Variants in RNFT2 observed in about 807,000 individuals in gnomAD.
RNFT2 encodes ring finger protein, transmembrane 2, also known as E3 ubiquitin-protein ligase RNFT2.
In RNFT2, 36 loss-of-function variants were observed where a neutral mutation model predicts 53.0. That is an observed-to-expected ratio of 0.68 (90% CI 0.52 to 0.90). The LOEUF (loss-of-function observed/expected upper bound fraction) is 0.90, where lower values mean the gene tolerates loss of function less well. Among genes scored for constraint, RNFT2 ranks in the 40% least tolerant of loss-of-function variants. The pLI is 0.00. For synonymous variants in RNFT2, 260 were observed against 253.2 expected (o/e 1.03, Z -0.26); for missense variants, 514 against 585.6 (o/e 0.88, Z 1.26).
chr12:116,849,586 C>T lies in RNFT2; in HGVS notation c.*138C>T. On this transcript the variant is annotated 3_prime_UTR_variant, in exon 11 of 11. Transcript: ENST00000257575. ...CTCCACCACCTCTGACCCCAAAGTCCCGCCCCTGTCTTGTCCTTCTGACCT... is the reference window on the plus strand; with the variant it reads ...CTCCACCACCTCTGACCCCAAAGTCTCGCCCCTGTCTTGTCCTTCTGACCT... 1 of 1,423,218 alleles carries T rather than the reference C, an allele frequency of 7.0e-7. No individual in the cohort carries two copies. Among genetic ancestry groups the T allele is most frequent in the Non-Finnish European group, 9.2e-7 (1 of 1,086,244 alleles). The allele number at this position is 1,423,218 out of a possible 1,614,324, so 88.2% of individuals were successfully genotyped here.
At chr12:116,777,460 G>A (rs1187352500) in intron 6 of RNFT2, among the ~76,000 whole-genome samples, 1 of 152,168 alleles carries the variant, frequency 6.6e-6, no homozygotes, top group African/African-American at 2.4e-5. Flanking sequence ...GTTAAGTACA[G>A]AAACTGAACA....
chr12:116,842,321 G>T (rs1412086417), intron 10 of RNFT2, among the ~76,000 whole-genome samples: 4 of 152,012 alleles, frequency 2.6e-5, no homozygotes, highest in Non-Finnish European at 5.9e-5. Context: ...TAAGGGAAGG[G>T]GATGCATGAG....
At position 116,852,231 on chromosome 12, in the gene RNFT2, G is replaced by A. The variant is rs906090997; in HGVS notation, c.*2783G>A. 3.1e-6 allele frequency: 4 copies of A among 1,276,044 alleles called. No individual in the cohort carries two copies. Among genetic ancestry groups the A allele is most frequent in the Middle Eastern group, 3.0e-4 (1 of 3,386 alleles). The allele number at this position is 1,276,044 out of a possible 1,614,324, so 79.0% of individuals were successfully genotyped here. A position where few individuals can be genotyped will look rare whatever the true frequency, so the allele number is the denominator to read the frequency against. ...CATTACAGAGAAAGCAATCTGTGTG[G>A]CTAGTGGGCAGATTACCATGCAAGC... On this transcript the variant is annotated 3_prime_UTR_variant, in exon 11 of 11. Transcript: ENST00000257575.
At chr12:116,815,306 G>A (rs11612320) in intron 7 of RNFT2, among the ~76,000 whole-genome samples, 8,036 of 152,250 alleles carry the variant, frequency 0.053, 307 homozygotes, top group Non-Finnish European at 0.08. Flanking sequence ...TGTGAGTACT[G>A]TAACAAATAA....
intron 3 of RNFT2, among the ~76,000 whole-genome samples, chr12:116,748,236 G>C (rs1872005607): frequency 6.6e-6 from 1 of 152,054 alleles, no homozygotes; most frequent in Non-Finnish European, 1.5e-5. Context: ...AGAATAGAAA[G>C]ATGGTACCCA....
intron 7 of RNFT2, among the ~76,000 whole-genome samples, chr12:116,815,927 G>T (rs953599189): frequency 6.6e-6 from 1 of 152,138 alleles, no homozygotes; most frequent in Non-Finnish European, 1.5e-5. Flanking sequence ...CAGACCACCA[G>T]GAAAGGAGAT....
chr12:116,849,260 C>A, intron 10 of RNFT2, 54 bp from the exon 11 acceptor site: 1 of 1,431,490 alleles, frequency 7.0e-7, no homozygotes, highest in South Asian at 1.3e-5. Flanking sequence ...CTCCCGAGAC[C>A]GAGGCAGACG....
chr12:116,740,784 A>C, intron 2 of RNFT2: 1 of 620,564 alleles, frequency 1.6e-6, no homozygotes, highest in Non-Finnish European at 2.9e-6. Flanking sequence ...ATCCTCTCAC[A>C]TGAGGACTTT....
intron 7 of RNFT2, among the ~76,000 whole-genome samples, chr12:116,792,114 A>G (rs949030748): frequency 3.3e-5 from 5 of 152,122 alleles, no homozygotes; most frequent in African/African-American, 1.2e-4. Context: ...CAGTGGCACA[A>G]TTTTGGCTCA....
chr12:116,794,659 GAA>G lies in RNFT2; in HGVS notation c.882+15312_882+15313del, dbSNP rs1491472580. On this transcript the variant is annotated intron_variant, in intron 7 of 10. Transcript: ENST00000257575. Reference sequence around the variant, plus strand: ...GGAGGGGAGGGGAGAAGGAAGGAAGGAAGGGAGGAAGGAAGGGAGGGAGGGAG... The same window carrying G: ...GGAGGGGAGGGGAGAAGGAAGGAAGGGGGAGGAAGGAAGGGAGGGAGGGAG... 1.3e-4 allele frequency among the ~76,000 whole-genome samples: 8 copies of G among 59,906 alleles called. 1 individual carries two copies. Among genetic ancestry groups the G allele is most frequent in the African/African-American group, 4.2e-4 (8 of 18,830 alleles). The allele number at this position is 59,906 out of a possible 152,430, so 39.3% of individuals were successfully genotyped here.
At chr12:116,810,577 C>T (rs191108433) in intron 7 of RNFT2, among the ~76,000 whole-genome samples, 8 of 152,236 alleles carry the variant, frequency 5.3e-5, no homozygotes, top group Middle Eastern at 3.4e-3. Flanking sequence ...TTCTTGGCTC[C>T]GAGACCCACC....
At chr12:116,834,081 A>C (rs1302486288) in intron 8 of RNFT2, 140 bp downstream of exon 8, 1 of 612,556 alleles carries the variant, frequency 1.6e-6, no homozygotes, top group African/African-American at 1.9e-5. Context: ...AATTCATACG[A>C]CATGAAATTA....
At chr12:116,769,730 C>T (rs1362747182) in intron 6 of RNFT2, among the ~76,000 whole-genome samples, 1 of 152,004 alleles carries the variant, frequency 6.6e-6, no homozygotes, top group African/African-American at 2.4e-5. Context: ...AAGAAATAAA[C>T]ATTTTAAAAT....
chr12:116,783,827 G>A (rs1873814816), intron 7 of RNFT2, among the ~76,000 whole-genome samples: 1 of 152,216 alleles, frequency 6.6e-6, no homozygotes, highest in African/African-American at 2.4e-5. Context: ...GTCAACAACG[G>A]ATCATTTTTC....
rs1444056879 is a variant in RNFT2 at position 116,852,468 on chromosome 12, A to T, written c.*3020A>T. The T allele has an allele frequency of 6.9e-7, 1 of 1,448,806 alleles. No individual in the cohort carries two copies. Among genetic ancestry groups the T allele is most frequent in the South Asian group, 1.4e-5 (1 of 69,132 alleles). The allele number at this position is 1,448,806 out of a possible 1,614,324, so 89.7% of individuals were successfully genotyped here. ...GTAGCATCTTTCAAGCTCCGTTACTATGGCGATGGCCATGATGTTACAATC... is the reference window on the plus strand; with the variant it reads ...GTAGCATCTTTCAAGCTCCGTTACTTTGGCGATGGCCATGATGTTACAATC... On this transcript the variant is annotated 3_prime_UTR_variant, in exon 11 of 11. Transcript: ENST00000257575.
intron 5 of RNFT2, among the ~76,000 whole-genome samples, chr12:116,766,052 A>G (rs997674593): frequency 3.3e-5 from 5 of 152,186 alleles, no homozygotes; most frequent in Non-Finnish European, 7.3e-5. Context: ...CAGGAGGATC[A>G]CTTGAGGCCA....
chr12:116,782,094 A>AAAAAAAAAAAAAAAAAAAAAAG (rs56234630), intron 7 of RNFT2: 16 of 149,102 alleles, frequency 1.1e-4, no homozygotes, highest in Non-Finnish European at 1.9e-4. Flanking sequence ...AAAAAAAAAA[A>AAAAAAAAAAAAAAAAAAAAAAG]TGTGGACATC....
In RNFT2 at chr12:116,811,238, C is replaced by CA. The variant is rs1276921872; in HGVS notation, c.883-22544dup. Among the ~76,000 whole-genome samples, 122 of 145,198 alleles carry CA rather than the reference C, an allele frequency of 8.4e-4. 1 individual carries two copies. The highest frequency in any genetic ancestry group is 3.5e-3 in the Middle Eastern group (1 of 286). On this transcript the variant is annotated intron_variant, in intron 7 of 10. Coordinates refer to ENST00000257575, the MANE Select transcript of RNFT2 (RefSeq NM_001382266.1). ...GGGCAACATAGAAAGACCCCCATTT[C>CA]AAAAAAAAAAGAAATATTCCTGTTT...
chr12:116,842,514 A>G (rs567683416), intron 10 of RNFT2, among the ~76,000 whole-genome samples: 4 of 152,188 alleles, frequency 2.6e-5, no homozygotes, highest in Admixed American at 1.3e-4. Flanking sequence ...AATTATGCAC[A>G]TAAAGAACAT....
Sources: gnomAD v4.1 joint callset for allele counts (sites outside exome capture counted in the v4.1 genomes callset) on GRCh38, gnomAD v4.1.1 for gene constraint, MANE v1.5 for transcripts, NCBI Gene and HGNC (gene_info 2026-07-23, HGNC 2026-07-21) for gene names.